GRIN2B: variants seen among roughly 807,000 people sequenced by gnomAD.
The protein encoded by GRIN2B is glutamate receptor ionotropic, NMDA 2B.
Under a neutral mutation model 114.5 loss-of-function variants are expected in GRIN2B, and 5 were observed. The observed-to-expected ratio is 0.04, with a 90% CI of 0.02 to 0.09. The LOEUF (loss-of-function observed/expected upper bound fraction) is 0.09, where lower values mean the gene tolerates loss of function less well. Among genes scored for constraint, GRIN2B ranks in the 10% least tolerant of loss-of-function variants. The probability of loss-of-function intolerance (pLI) is 1.00; values close to 1 mark genes in which losing one functional copy is unlikely to be tolerated. For synonymous variants in GRIN2B, 787 were observed against 745.1 expected, an observed-to-expected ratio of 1.06 and a Z score of -0.92; for missense variants, 1,108 against 1,943.5, an observed-to-expected ratio of 0.57 and a Z score of 8.08.
chr12:13,725,589 C>A (rs916828760), intron 4 of GRIN2B, among the ~76,000 whole-genome samples: 1 of 152,002 alleles, frequency 6.6e-6, no homozygotes, highest in African/African-American at 2.4e-5. Flanking sequence ...CCAAGCAGAT[C>A]GGATACACAG....
In GRIN2B at chr12:13,550,252, G is replaced by A. The variant is rs1948393097; in HGVS notation, c.*12531C>T. On this transcript the variant is annotated 3_prime_UTR_variant, in exon 14 of 14. Transcript: ENST00000609686. Reference sequence around the variant, plus strand: ...CAGAATGTACCATAGGCTAAGTGTGGTGGAGCCTAATGGGTTGCTGGTTAT... The same window carrying A: ...CAGAATGTACCATAGGCTAAGTGTGATGGAGCCTAATGGGTTGCTGGTTAT... 1 of 152,152 alleles carries A rather than the reference G, an allele frequency of 6.6e-6. No homozygotes were observed. Among genetic ancestry groups the A allele is most frequent in the South Asian group, 2.1e-4 (1 of 4,824 alleles). The allele number at this position is 152,152 out of a possible 1,614,324, so 9.4% of individuals were successfully genotyped here.
chr12:13,925,383 G>A (rs1422745600), intron 2 of GRIN2B, among the ~76,000 whole-genome samples: 1 of 152,202 alleles, frequency 6.6e-6, no homozygotes, highest in Non-Finnish European at 1.5e-5. Context: ...CAAAAGGAGA[G>A]CTGTTATGTC....
At chr12:13,907,527 A>T (rs1297133572) in intron 2 of GRIN2B, among the ~76,000 whole-genome samples, 1 of 151,842 alleles carries the variant, frequency 6.6e-6, no homozygotes, top group African/African-American at 2.4e-5. Context: ...CAGACACAAG[A>T]GTACTATTGC....
intron 3 of GRIN2B, among the ~76,000 whole-genome samples, chr12:13,839,925 C>T (rs916731053): frequency 1.3e-5 from 2 of 152,086 alleles, no homozygotes; most frequent in African/African-American, 2.4e-5. Flanking sequence ...ATAGAAAATA[C>T]GCATATGCAT....
chr12:13,645,902 C>T (rs1591656757), intron 5 of GRIN2B, among the ~76,000 whole-genome samples: 1 of 152,010 alleles, frequency 6.6e-6, no homozygotes, highest in Non-Finnish European at 1.5e-5. Flanking sequence ...CTCTTAAAGA[C>T]TTAGTTGTGG....
At chr12:13,632,604 G>A (rs910359103) in intron 5 of GRIN2B, among the ~76,000 whole-genome samples, 1 of 152,206 alleles carries the variant, frequency 6.6e-6, no homozygotes, top group South Asian at 2.1e-4. Context: ...CCTAAGCAGG[G>A]AAGTTAATGA....
At chr12:13,712,491 T>C (rs1270218741) in intron 4 of GRIN2B, among the ~76,000 whole-genome samples, 2 of 151,768 alleles carry the variant, frequency 1.3e-5, no homozygotes, top group African/African-American at 4.8e-5. Flanking sequence ...AGATGTGTAT[T>C]GGGAGTGGGG....
chr12:13,680,299 A>C (rs940330111), intron 4 of GRIN2B, among the ~76,000 whole-genome samples: 1 of 152,132 alleles, frequency 6.6e-6, no homozygotes, highest in Non-Finnish European at 1.5e-5. Flanking sequence ...AATTATAATT[A>C]AGAGATGCCA....
intron 4 of GRIN2B, among the ~76,000 whole-genome samples, chr12:13,703,948 A>G (rs1011509547): frequency 6.6e-5 from 10 of 152,202 alleles, no homozygotes; most frequent in Admixed American, 6.5e-4. Context: ...CAGATTCCTC[A>G]TACATTCACT....
Position 13,563,935 on chromosome 12 carries a change from C to T in GRIN2B, c.3303G>A (p.Glu1101=). Residue 1101 remains glutamate (E), a synonymous_variant, in exon 14 of 14, where the codon GAG becomes GAA. Coordinates refer to ENST00000609686, the MANE Select transcript of GRIN2B (RefSeq NM_000834.5). ...KRPASAKSRR[E]FDEIELAYRR... ...GGTAGGCCAGCTCGATCTCGTCAAA[C>T]TCCCTGCGGGACTTGGCCGAGGCAG... 6.2e-7 allele frequency: 1 copy of T among 1,614,228 alleles called. No homozygotes were observed. The highest frequency in any genetic ancestry group is 8.5e-7 in the Non-Finnish European group (1 of 1,180,050).
rs778595446 is a variant in GRIN2B, at chr12:13,753,530, G to A, written c.797C>T (p.Thr266Ile). Reference protein sequence around the residue: ...WIVPSLVAGDTDTVPAEFPTG... With the variant: ...WIVPSLVAGDIDTVPAEFPTG... ...GGGGAACTCCGCAGGCACTGTGTCT[G>A]TATCCCCTGCCACCAGACTGGGCAC... Residue 266 changes from threonine to isoleucine, a missense_variant, in exon 4 of 14, where the codon ACA becomes ATA. Physicochemically the swap from Thr to Ile is moderately conservative, Grantham distance 89 (BLOSUM62 -1). This residue lies in a region of GRIN2B where 199 missense variants were observed against 439.6 expected (regional missense o/e 0.45). Transcript: ENST00000609686. The surrounding 1 kb of genome is among the most constrained non-coding windows in gnomAD (Gnocchi z 6.2). 6.2e-7 allele frequency: 1 copy of A among 1,614,144 alleles called. No homozygotes were observed. Among genetic ancestry groups the A allele is most frequent in the South Asian group, 1.1e-5 (1 of 91,072 alleles).
chr12:13,563,177 G>C lies in GRIN2B; in HGVS notation c.4061C>G (p.Ser1354Cys), dbSNP rs202144479. 2 of 1,614,214 alleles carry C rather than the reference G, an allele frequency of 1.2e-6. No homozygotes were observed. Among genetic ancestry groups the C allele is most frequent in the South Asian group, 1.1e-5 (1 of 91,082 alleles). The change falls in exon 14 of 14, where the codon TCC becomes TGC. Residue 1354 changes from serine to cysteine, a missense_variant. By Grantham distance (112) the Ser-to-Cys change is moderately radical. Transcript: ENST00000609686. The part of the protein sequence containing the change: ...AGESTFANNK[S>C]SVPTAGHHHH... ...GTGATGTCCGGCAGTGGGCACTGAG[G>C]ACTTGTTGTTGGCAAAGGTGCTCTC...
intron 5 of GRIN2B, among the ~76,000 whole-genome samples, chr12:13,673,574 C>A (rs1183063332): frequency 6.6e-6 from 1 of 152,052 alleles, no homozygotes; most frequent in Non-Finnish European, 1.5e-5. Context: ...AAAATTGTCA[C>A]ATAGTCCCTG....
chr12:13,666,983 T>A (rs1285592615), intron 5 of GRIN2B, among the ~76,000 whole-genome samples: 2 of 152,208 alleles, frequency 1.3e-5, no homozygotes, highest in Non-Finnish European at 2.9e-5. Context: ...AAGTCAGGTA[T>A]GTTCTATCCC....
chr12:13,806,906 A>G (rs760975075), intron 3 of GRIN2B, among the ~76,000 whole-genome samples: 2 of 152,138 alleles, frequency 1.3e-5, no homozygotes, highest in Non-Finnish European at 2.9e-5. Flanking sequence ...TATATGAGAT[A>G]AGGGTTAAAA....
At chr12:13,925,692 A>G (rs1866900245) in intron 2 of GRIN2B, among the ~76,000 whole-genome samples, 1 of 152,018 alleles carries the variant, frequency 6.6e-6, no homozygotes, top group South Asian at 2.1e-4. Context: ...CCCAATAGTC[A>G]CCTTACTCCA....
At chr12:13,813,051 T>C (rs371449540) in intron 3 of GRIN2B, among the ~76,000 whole-genome samples, 39 of 151,668 alleles carry the variant, frequency 2.6e-4, no homozygotes, top group African/African-American at 9.2e-4. Flanking sequence ...GCAATTCTTC[T>C]GCCTCAGCCT....
In GRIN2B at chr12:13,927,982, A is replaced by AAAAAAAAAAAAAAAAAAAAAAG. The variant is rs71067738; in HGVS notation, c.-19+51945_-19+51946insCTTTTTTTTTTTTTTTTTTTTT. ...ACCCTGTCTCAAAAAAAAAAAAAAA[A>AAAAAAAAAAAAAAAAAAAAAAG]GGGGGGGTATGCTGTGGAAAGGATG... On this transcript the variant is annotated intron_variant, in intron 2 of 13. Transcript: ENST00000609686. Among the ~76,000 whole-genome samples, 229 of 129,690 alleles carry AAAAAAAAAAAAAAAAAAAAAAG rather than the reference A, an allele frequency of 1.8e-3. 17 individuals carry two copies. Among genetic ancestry groups the AAAAAAAAAAAAAAAAAAAAAAG allele is most frequent in the Non-Finnish European group, 2.4e-3 (147 of 60,316 alleles). 85.1% of individuals were successfully genotyped at this position (129,690 alleles called of 152,430 possible). A position where few individuals can be genotyped will look rare whatever the true frequency, so the allele number is the denominator to read the frequency against.
intron 5 of GRIN2B, among the ~76,000 whole-genome samples, chr12:13,626,315 CA>C (rs940187507): frequency 6.6e-6 from 1 of 152,184 alleles, no homozygotes; most frequent in African/African-American, 2.4e-5. Context: ...CACAGCTCAG[CA>C]GCGATGCTGA....
Sources: gnomAD v4.1 joint callset for allele counts (sites outside exome capture counted in the v4.1 genomes callset) on GRCh38, gnomAD v4.1.1 for gene constraint, gnomAD v4.1.1 regional missense constraint, Gnocchi (gnomAD v3.1) non-coding constraint, MANE v1.5 for transcripts, NCBI Gene and HGNC (gene_info 2026-07-23, HGNC 2026-07-21) for gene names.